Variants in TCF12 observed in about 807,000 individuals in gnomAD.
The protein encoded by TCF12 is transcription factor 12, also known as DNA-binding protein HTF4.
Under a neutral mutation model 86.0 loss-of-function variants are expected in TCF12, and 45 were observed. The observed-to-expected ratio is 0.52, with a 90% confidence interval of 0.41 to 0.67. The LOEUF (loss-of-function observed/expected upper bound fraction) is 0.67, where lower values mean the gene tolerates loss of function less well. Among genes scored for constraint, TCF12 ranks in the 30% least tolerant of loss-of-function variants. The pLI, the probability that TCF12 is intolerant of heterozygous loss-of-function variation, is 0.00. For missense variants in TCF12, 881 were observed against 859.9 expected, an observed-to-expected ratio of 1.02 and a Z score of -0.31; for synonymous variants, 330 against 299.6, an observed-to-expected ratio of 1.10 and a Z score of -1.05.
intron 3 of TCF12, among the ~76,000 whole-genome samples, chr15:57,045,992 T>C (rs1271277147): frequency 2.6e-5 from 4 of 152,212 alleles, no homozygotes; most frequent in African/African-American, 9.7e-5. Context: ...GATGACTGCC[T>C]TCCACGATTT....
intron 3 of TCF12, among the ~76,000 whole-genome samples, chr15:56,991,759 C>G (rs1330613840): frequency 6.6e-6 from 1 of 151,992 alleles, no homozygotes; most frequent in Non-Finnish European, 1.5e-5. Context: ...ACTCTTCTGT[C>G]AGAACTACAA....
intron 3 of TCF12, among the ~76,000 whole-genome samples, chr15:56,995,089 T>C (rs543607873): frequency 6.6e-6 from 1 of 152,154 alleles, no homozygotes; most frequent in East Asian, 1.9e-4. Context: ...AATATGTATG[T>C]TATAATCCCT....
At chr15:56,999,112 G>A (rs1187400818) in intron 3 of TCF12, among the ~76,000 whole-genome samples, 1 of 151,694 alleles carries the variant, frequency 6.6e-6, no homozygotes, top group Non-Finnish European at 1.5e-5. Context: ...GCAGGAGAAT[G>A]GCGTGAACCC....
At chr15:57,145,361 C>G (rs747663552) in intron 5 of TCF12, among the ~76,000 whole-genome samples, 10 of 151,924 alleles carry the variant, frequency 6.6e-5, no homozygotes, top group Middle Eastern at 3.2e-3. Flanking sequence ...TTTAGTTGAC[C>G]TCAATGATTC....
intron 5 of TCF12, among the ~76,000 whole-genome samples, chr15:57,126,826 G>A (rs1805111042): frequency 6.6e-6 from 1 of 152,116 alleles, no homozygotes; most frequent in Admixed American, 6.5e-5. Context: ...GAAACTATAA[G>A]ATTATCAAGA....
intron 18 of TCF12, among the ~76,000 whole-genome samples, chr15:57,272,238 A>T (rs1430049702): frequency 6.6e-6 from 1 of 152,238 alleles, no homozygotes. Context: ...CTCCCTTTAC[A>T]TAAATTTCTA....
chr15:57,210,834 A>C (rs1468920631), intron 8 of TCF12, among the ~76,000 whole-genome samples: 1 of 152,160 alleles, frequency 6.6e-6, no homozygotes, highest in Non-Finnish European at 1.5e-5. Flanking sequence ...CTACATACTC[A>C]CTACAGCCAC....
At chr15:57,183,422 T>C (rs1367956794) in intron 6 of TCF12, among the ~76,000 whole-genome samples, 1 of 152,182 alleles carries the variant, frequency 6.6e-6, no homozygotes, top group African/African-American at 2.4e-5. Flanking sequence ...TGTCACACCC[T>C]CTTTGGATTT....
At chr15:57,012,466 C>G (rs1164077650) in intron 3 of TCF12, among the ~76,000 whole-genome samples, 1 of 152,052 alleles carries the variant, frequency 6.6e-6, no homozygotes, top group Non-Finnish European at 1.5e-5. Context: ...TATTCTAACT[C>G]TTGTACGCCG....
intron 8 of TCF12, among the ~76,000 whole-genome samples, chr15:57,208,856 C>G (rs994399876): frequency 6.6e-6 from 1 of 151,978 alleles, no homozygotes; most frequent in Admixed American, 6.6e-5. Context: ...ACTGGGACTA[C>G]AGGCACATGC....
intron 5 of TCF12, among the ~76,000 whole-genome samples, chr15:57,162,441 CAAACTT>C (rs1352338475): frequency 6.6e-6 from 1 of 152,066 alleles, no homozygotes; most frequent in African/African-American, 2.4e-5. Context: ...CAAGGATACT[CAAACTT>C]ATAAGTCCTT....
At chr15:57,170,653 TATATAAAATATATATATATATAATATA>T (rs2055273152) in intron 6 of TCF12, among the ~76,000 whole-genome samples, 1 of 51,552 alleles carries the variant, frequency 1.9e-5, no homozygotes, top group Non-Finnish European at 3.4e-5. Flanking sequence ...ATATATATAT[TATATAAAATATATATATATATAATATA>T]TTATATATAA....
chr15:57,007,792 C>CTCTCTTTCTTTCTCTCTT (rs2064501023), intron 3 of TCF12, among the ~76,000 whole-genome samples: 1 of 52,536 alleles, frequency 1.9e-5, no homozygotes, highest in African/African-American at 5.2e-5. Context: ...CTTTCTTTCT[C>CTCTCTTTCTTTCTCTCTT]TCTTTCTTTC....
chr15:57,160,664 TAGAGCTTGTGGGG>T (rs1246795035), intron 5 of TCF12, among the ~76,000 whole-genome samples: 1 of 152,030 alleles, frequency 6.6e-6, no homozygotes, highest in African/African-American at 2.4e-5. Flanking sequence ...CTATTGAGGG[TAGAGCTTGTGGGG>T]GTTTTTTTGT....
At chr15:57,148,513 T>C (rs1469188113) in intron 5 of TCF12, among the ~76,000 whole-genome samples, 1 of 150,968 alleles carries the variant, frequency 6.6e-6, no homozygotes, top group Non-Finnish European at 1.5e-5. Context: ...CAGCCTTCAG[T>C]GGGAGGGAAC....
At chr15:57,059,306 C>G (rs2068268541) in intron 3 of TCF12, among the ~76,000 whole-genome samples, 1 of 152,194 alleles carries the variant, frequency 6.6e-6, no homozygotes, top group African/African-American at 2.4e-5. Flanking sequence ...CTCTTTCCCA[C>G]AGGGATGGGC....
chr15:56,969,412 G>T (rs537079652), intron 3 of TCF12, among the ~76,000 whole-genome samples: 4 of 152,058 alleles, frequency 2.6e-5, no homozygotes, highest in Non-Finnish European at 5.9e-5. Flanking sequence ...TACAGAAAGA[G>T]AATAGAGCTG....
intron 5 of TCF12, among the ~76,000 whole-genome samples, chr15:57,148,557 A>C (rs1714338387): frequency 6.6e-6 from 1 of 152,120 alleles, no homozygotes; most frequent in Non-Finnish European, 1.5e-5. Flanking sequence ...AAAATGACAA[A>C]ATACAAGTTT....
intron 6 of TCF12, among the ~76,000 whole-genome samples, chr15:57,176,827 A>C (rs1422053056): frequency 1.3e-5 from 2 of 152,336 alleles, no homozygotes; most frequent in African/African-American, 4.8e-5. Context: ...TAAGGGAATG[A>C]TGGCACTATA....
Sources: allele counts gnomAD v4.1 joint callset (sites outside exome capture counted in the v4.1 genomes callset), GRCh38; gene constraint gnomAD v4.1.1; transcripts MANE v1.5; gene names NCBI Gene and HGNC (gene_info 2026-07-23, HGNC 2026-07-21).